The following MYO9A variants were observed in gnomAD, a reference collection of about 807,000 sequenced individuals.
MYO9A encodes the protein myosin IXA.
MYO9A carries 103 observed loss-of-function variants against 293.3 expected under a neutral mutation model. The observed-to-expected ratio is 0.35, with a 90% CI of 0.30 to 0.41. The LOEUF is 0.41. Ranked by LOEUF, MYO9A falls within the 10% of genes least tolerant of loss-of-function variation. The pLI is 1.00. For synonymous variants in MYO9A, 1,001 were observed against 1,035.7 expected (o/e 0.97, Z 0.64); for missense variants, 2,685 against 3,033.0 (o/e 0.89, Z 2.69).
In MYO9A at chr15:71,888,073, T is replaced by C. The variant is rs1369934061; in HGVS notation, c.5186A>G (p.His1729Arg). The C allele has an allele frequency of 6.2e-7, 1 of 1,610,958 alleles. No homozygotes were observed. Among genetic ancestry groups the C allele is most frequent in the Non-Finnish European group, 8.5e-7 (1 of 1,178,518 alleles). The change falls in exon 27 of 42, where the codon CAT becomes CGT. Residue 1729 changes from histidine to arginine, a missense_variant. Transcript: ENST00000356056. ...AATCTCTCCTTGAGACATAGTCTTA[T>C]GAAGTTTTGCTTGTTCATCAACTGA... The part of the protein sequence containing the change: ...FSSVDEQAKL[H>R]KTMSQGEITK...
intron 15 of MYO9A, among the ~76,000 whole-genome samples, chr15:71,941,163 C>T (rs1379226828): frequency 6.6e-6 from 1 of 152,148 alleles, no homozygotes; most frequent in African/African-American, 2.4e-5. Flanking sequence ...TGGTCAGGTG[C>T]AGTGGCTCCC....
chr15:71,926,441 G>C (rs1275001456), intron 18 of MYO9A, among the ~76,000 whole-genome samples: 4 of 152,108 alleles, frequency 2.6e-5, no homozygotes, highest in African/African-American at 9.7e-5. Context: ...AGACACAGTG[G>C]TTCACACCTG....
At position 72,117,946 on chromosome 15, in the gene MYO9A, C is replaced by T. The variant is rs998231279; in HGVS notation, c.-338G>A. The T allele has an allele frequency of 7.5e-6, 3 of 401,604 alleles. No individual in the cohort carries two copies. Among genetic ancestry groups the T allele is most frequent in the Non-Finnish European group, 1.3e-5 (3 of 228,692 alleles). The allele number at this position is 401,604 out of a possible 1,614,324, so 24.9% of individuals were successfully genotyped here. A position where few individuals can be genotyped will look rare whatever the true frequency, so the allele number is the denominator to read the frequency against. ...CAGAGAGCACGCGTTGGACCGCCGC[C>T]TCAACCGCTGCCAGCGGCCGCCTCT... On this transcript the variant is annotated 5_prime_UTR_variant, in exon 1 of 42. Transcript: ENST00000356056.
At chr15:72,050,379 C>T (rs560275276) in intron 1 of MYO9A, among the ~76,000 whole-genome samples, 68 of 152,096 alleles carry the variant, frequency 4.5e-4, no homozygotes, top group Non-Finnish European at 8.2e-4. Flanking sequence ...GAGGCCGAGG[C>T]GGATAGATCA....
intron 11 of MYO9A, among the ~76,000 whole-genome samples, chr15:71,983,404 T>C (rs553531974): frequency 2.4e-4 from 36 of 151,830 alleles, no homozygotes; most frequent in South Asian, 1.5e-3. Context: ...TCCTAACTTA[T>C]ATGCTATTAC....
intron 39 of MYO9A, among the ~76,000 whole-genome samples, chr15:71,842,647 C>A (rs1170986590): frequency 6.6e-6 from 1 of 151,934 alleles, no homozygotes; most frequent in Non-Finnish European, 1.5e-5. Context: ...ATTATGAGGT[C>A]AGGAGATCGA....
At chr15:71,926,878 T>C (rs1567280623) in intron 18 of MYO9A, among the ~76,000 whole-genome samples, 1 of 152,160 alleles carries the variant, frequency 6.6e-6, no homozygotes, top group African/African-American at 2.4e-5. Flanking sequence ...GGTGGCATCA[T>C]TGGATACACA....
intron 1 of MYO9A, 38 bp downstream of exon 1, chr15:72,117,642 C>T (rs1188217990): frequency 5.6e-5 from 22 of 395,336 alleles, no homozygotes; most frequent in Non-Finnish European, 8.5e-5. Flanking sequence ...TGGGCCAGGA[C>T]GGGCTGCAGG....
intron 2 of MYO9A, among the ~76,000 whole-genome samples, chr15:72,037,955 C>T (rs2078107995): frequency 1.3e-5 from 2 of 149,660 alleles, no homozygotes; most frequent in Non-Finnish European, 1.5e-5. Flanking sequence ...CACTCTATCA[C>T]TCAGGCTGGA....
chr15:71,858,401 T>C (rs928204302), intron 34 of MYO9A, among the ~76,000 whole-genome samples: 1 of 152,052 alleles, frequency 6.6e-6, no homozygotes, highest in Non-Finnish European at 1.5e-5. Flanking sequence ...ATGTGGCACA[T>C]ATACAGCATG....
At chr15:72,027,669 A>C (rs1213308963) in intron 4 of MYO9A, 62 bp downstream of exon 4, 1 of 1,291,858 alleles carries the variant, frequency 7.7e-7, no homozygotes, top group Non-Finnish European at 1.1e-6. Context: ...CAAAGACCTT[A>C]AAAGTCAGTC....
Position 71,907,157 on chromosome 15 carries a change from T to C in MYO9A, c.2686-2151A>G, listed in dbSNP as rs550979807. Among the ~76,000 whole-genome samples, 26 of 148,208 alleles carry C rather than the reference T, an allele frequency of 1.8e-4. No individual in the cohort carries two copies. The South Asian group carries it at 3.3e-3, about 19-fold the overall frequency. The stretch of plus-strand genomic sequence containing the variant: ...CCATTCCTGTGTCCATGTGATCTCA[T>C]TGTTCAATTCCCACCTATGAGGGAG... On this transcript the variant is annotated intron_variant, in intron 19 of 41. Transcript: ENST00000356056.
At chr15:71,999,293 T>C (rs1431234362) in intron 9 of MYO9A, among the ~76,000 whole-genome samples, 2 of 151,842 alleles carry the variant, frequency 1.3e-5, no homozygotes, top group Non-Finnish European at 2.9e-5. Flanking sequence ...GGTATAATAG[T>C]AGCAACAAGT....
intron 1 of MYO9A, among the ~76,000 whole-genome samples, chr15:72,097,674 C>A (rs963047987): frequency 6.6e-6 from 1 of 151,962 alleles, no homozygotes; most frequent in African/African-American, 2.4e-5. Context: ...AACTGGGAGG[C>A]CAAGGTGGGC....
intron 4 of MYO9A, among the ~76,000 whole-genome samples, chr15:72,027,488 G>C (rs1370290849): frequency 1.3e-5 from 2 of 152,164 alleles, no homozygotes; most frequent in Non-Finnish European, 2.9e-5. Context: ...CAAGAGGAAT[G>C]AGGAACAACT....
intron 1 of MYO9A, among the ~76,000 whole-genome samples, chr15:72,084,383 C>A (rs934981285): frequency 1.3e-5 from 2 of 152,148 alleles, no homozygotes; most frequent in Admixed American, 6.5e-5. Flanking sequence ...CCATGGGTGT[C>A]ACTGCATAGG....
chr15:71,861,730 A>G (rs946092420), intron 33 of MYO9A, among the ~76,000 whole-genome samples: 2 of 151,078 alleles, frequency 1.3e-5, no homozygotes, highest in Non-Finnish European at 3.0e-5. Context: ...TATAGAGCAT[A>G]TATTTTAGAG....
At chr15:71,976,215 G>GA (rs377036626) in intron 12 of MYO9A, among the ~76,000 whole-genome samples, 19 of 152,204 alleles carry the variant, frequency 1.2e-4, no homozygotes, top group African/African-American at 3.6e-4. Flanking sequence ...TATTAGTGGG[G>GA]AAAAAACCCC....
At position 72,035,062 on chromosome 15, in the gene MYO9A, C is replaced by T. The variant is rs60857247; in HGVS notation, c.841-2474G>A. On this transcript the variant is annotated intron_variant, in intron 2 of 41. Coordinates refer to ENST00000356056, the MANE Select transcript of MYO9A (RefSeq NM_006901.4). ...ATTCCGTCAAGACCACAATGAGATA[C>T]TACTACACACCTATTAGAATGGCTA... 5.9e-5 allele frequency among the ~76,000 whole-genome samples: 9 copies of T among 152,176 alleles called. No homozygotes were observed. In the South Asian group the frequency reaches 6.2e-4, roughly 11 times the overall value.
Sources: gnomAD v4.1 joint callset for allele counts (sites outside exome capture counted in the v4.1 genomes callset) on GRCh38, gnomAD v4.1.1 for gene constraint, MANE v1.5 for transcripts, NCBI Gene and HGNC (gene_info 2026-07-23, HGNC 2026-07-21) for gene names.